Variants in CRACDL observed in about 807,000 individuals in gnomAD.
CRACDL encodes CRACD-like protein.
In CRACDL, 26 loss-of-function variants were observed where a neutral mutation model predicts 70.6. The observed-to-expected ratio is 0.37, with a 90% CI of 0.27 to 0.51. CRACDL has a LOEUF of 0.51. Ranked by LOEUF, CRACDL falls within the 20% of genes least tolerant of loss-of-function variation. The pLI is 0.94. For missense variants in CRACDL, 1,283 were observed against 1,376.9 expected, an observed-to-expected ratio of 0.93 and a Z score of 1.08; for synonymous variants, 618 against 615.2, an observed-to-expected ratio of 1.00 and a Z score of -0.07.
chr2:98,853,676 T>TA (rs1178612651), intron 1 of CRACDL, among the ~76,000 whole-genome samples: 2 of 152,086 alleles, frequency 1.3e-5, no homozygotes, highest in African/African-American at 2.4e-5. Flanking sequence ...ATATAACAAC[T>TA]AAAAAAACTA....
rs560116096 is a variant in CRACDL, at chr2:98,797,406, C to T, written c.2548G>A (p.Ala850Thr). 1.1e-5 allele frequency: 18 copies of T among 1,614,202 alleles called. No individual in the cohort carries two copies. The African/African-American group carries it at 1.6e-4, about 14-fold the overall frequency. Reference sequence around the variant, plus strand: ...CCTGGTTCAGACTTCAGGGTCCGTGCCCCAGGCTTGTCTTCCTGGTTGGGT... The same window carrying T: ...CCTGGTTCAGACTTCAGGGTCCGTGTCCCAGGCTTGTCTTCCTGGTTGGGT... ...QPPNQEDKPG[A>T]RTLKSEPGKQ... The change falls in exon 8 of 10, where the codon GCA becomes ACA. Residue 850 changes from alanine to threonine, a missense_variant. This residue lies in a region of CRACDL where 921 missense variants were observed against 881.9 expected (regional missense o/e 1.04). Coordinates refer to ENST00000397899, the MANE Select transcript of CRACDL (RefSeq NM_207362.3).
At chr2:98,835,685 G>A (rs776386080) in intron 3 of CRACDL, among the ~76,000 whole-genome samples, 25 of 152,192 alleles carry the variant, frequency 1.6e-4, no homozygotes, top group Non-Finnish European at 2.9e-4. Flanking sequence ...TCTGAGGGTG[G>A]ATCAATAAAA....
chr2:98,894,796 A>G (rs1049729290), intron 1 of CRACDL, among the ~76,000 whole-genome samples: 1 of 152,160 alleles, frequency 6.6e-6, no homozygotes, highest in Non-Finnish European at 1.5e-5. Context: ...ACCTGCACCT[A>G]GATGTCACTG....
At chr2:98,902,963 G>A (rs936539909) in intron 1 of CRACDL, among the ~76,000 whole-genome samples, 4 of 152,062 alleles carry the variant, frequency 2.6e-5, no homozygotes, top group Non-Finnish European at 5.9e-5. Flanking sequence ...AGGAAGCTTC[G>A]CATCCTGAGA....
intron 1 of CRACDL, among the ~76,000 whole-genome samples, chr2:98,874,486 GC>G (rs1190566292): frequency 1.3e-5 from 2 of 152,200 alleles, no homozygotes; most frequent in Non-Finnish European, 2.9e-5. Flanking sequence ...TGCACCTTGC[GC>G]CTCGTGGGGC....
Position 98,831,170 on chromosome 2 carries a change from C to T in CRACDL, c.540+1178G>A, listed in dbSNP as rs181298728. ...CCTGGGTAGCCCACTGTCCTCAGAC[C>T]CTGCTCCTGGAATGAGCAGGGACAG... On this transcript the variant is annotated intron_variant, in intron 5 of 9. Coordinates refer to ENST00000397899, the MANE Select transcript of CRACDL (RefSeq NM_207362.3). Among the ~76,000 whole-genome samples the T allele has an allele frequency of 3.3e-5, 5 of 152,280 alleles. No homozygotes were observed. The East Asian group carries it at 7.7e-4, about 23-fold the overall frequency.
chr2:98,867,826 A>C (rs549336574), intron 1 of CRACDL, among the ~76,000 whole-genome samples: 5 of 152,304 alleles, frequency 3.3e-5, no homozygotes, highest in South Asian at 2.1e-4. Context: ...TTTTAACTTC[A>C]TGAGTTTATT....
intron 1 of CRACDL, among the ~76,000 whole-genome samples, chr2:98,874,903 C>T (rs1181941944): frequency 6.6e-6 from 1 of 152,118 alleles, no homozygotes; most frequent in African/African-American, 2.4e-5. Flanking sequence ...AGGCTCACCC[C>T]GATTCTGTTC....
intron 1 of CRACDL, among the ~76,000 whole-genome samples, chr2:98,918,138 G>T (rs141576503): frequency 6.6e-6 from 1 of 152,182 alleles, no homozygotes; most frequent in Non-Finnish European, 1.5e-5. Context: ...TAGATACCCA[G>T]CAGTAGGATT....
chr2:98,874,936 C>A (rs1707445552), intron 1 of CRACDL, among the ~76,000 whole-genome samples: 1 of 152,164 alleles, frequency 6.6e-6, no homozygotes, highest in Admixed American at 6.5e-5. Context: ...CCAAGGAAAG[C>A]AAGATGTCCT....
At chr2:98,840,521 G>A (rs1403312200) in intron 2 of CRACDL, among the ~76,000 whole-genome samples, 1 of 151,920 alleles carries the variant, frequency 6.6e-6, no homozygotes, top group Non-Finnish European at 1.5e-5. Flanking sequence ...TTTAAATTGT[G>A]TTGTCCAAGT....
At chr2:98,798,438 C>T (rs1388055586) in intron 7 of CRACDL, among the ~76,000 whole-genome samples, 3 of 89,446 alleles carry the variant, frequency 3.4e-5, no homozygotes, top group East Asian at 3.7e-4. Flanking sequence ...AGCGAGACTC[C>T]GTCTCAAAAA....
chr2:98,893,288 C>A (rs900618239), intron 1 of CRACDL, among the ~76,000 whole-genome samples: 20 of 151,274 alleles, frequency 1.3e-4, no homozygotes, highest in African/African-American at 4.4e-4. Flanking sequence ...AGAGAAGGAA[C>A]CCTATTTTTT....
At chr2:98,798,162 T>C (rs1245588906) in intron 7 of CRACDL, among the ~76,000 whole-genome samples, 1 of 152,136 alleles carries the variant, frequency 6.6e-6, no homozygotes, top group Admixed American at 6.5e-5. Context: ...TTGGTCAACA[T>C]GGCAAAACCC....
At chr2:98,826,440 A>G (rs566399063) in intron 6 of CRACDL, among the ~76,000 whole-genome samples, 1 of 152,346 alleles carries the variant, frequency 6.6e-6, no homozygotes, top group African/African-American at 2.4e-5. Flanking sequence ...TGGCAATAAG[A>G]GCACATCCAT....
At chr2:98,847,240 CA>C (rs1350042374) in intron 1 of CRACDL, among the ~76,000 whole-genome samples, 1 of 152,118 alleles carries the variant, frequency 6.6e-6, no homozygotes, top group Admixed American at 6.5e-5. Context: ...ATTTTTTACG[CA>C]AATATTTTAT....
At chr2:98,841,249 C>A (rs1438447257) in intron 2 of CRACDL, among the ~76,000 whole-genome samples, 2 of 152,058 alleles carry the variant, frequency 1.3e-5, no homozygotes, top group Non-Finnish European at 2.9e-5. Flanking sequence ...TTAACTGGAA[C>A]AATTAATGTA....
intron 3 of CRACDL, among the ~76,000 whole-genome samples, chr2:98,837,465 A>C (rs979679833): frequency 2.6e-5 from 4 of 152,140 alleles, no homozygotes; most frequent in Non-Finnish European, 5.9e-5. Context: ...TAAAAAAAAA[A>C]AGGTAAAAGC....
At chr2:98,907,333 C>A (rs1300783596) in intron 1 of CRACDL, among the ~76,000 whole-genome samples, 1 of 152,242 alleles carries the variant, frequency 6.6e-6, no homozygotes, top group South Asian at 2.1e-4. Context: ...AACTCTTAGT[C>A]TCCCAGCACA....
Sources: gnomAD v4.1 joint callset for allele counts (sites outside exome capture counted in the v4.1 genomes callset) on GRCh38, gnomAD v4.1.1 for gene constraint, gnomAD v4.1.1 regional missense constraint, MANE v1.5 for transcripts, NCBI Gene and HGNC (gene_info 2026-07-23, HGNC 2026-07-21) for gene names.